TBC1D30: variants seen among roughly 807,000 people sequenced by gnomAD.
The protein encoded by TBC1D30 is TBC1 domain family member 30.
In TBC1D30, 31 loss-of-function variants were observed where a neutral mutation model predicts 63.2. The observed-to-expected ratio is 0.49, with a 90% CI of 0.37 to 0.66. The LOEUF (loss-of-function observed/expected upper bound fraction) is 0.66, where lower values mean the gene tolerates loss of function less well. TBC1D30 is among the 30% of genes least tolerant of loss of function. TBC1D30 has a pLI of 0.00. For missense variants in TBC1D30, 810 were observed against 953.6 expected (o/e 0.85, Z 1.98); for synonymous variants, 307 against 361.5 (o/e 0.85, Z 1.71).
intron 1 of TBC1D30, among the ~76,000 whole-genome samples, chr12:64,762,272 C>A (rs1870545228): frequency 6.6e-6 from 1 of 152,080 alleles, no homozygotes; most frequent in South Asian, 2.1e-4. Flanking sequence ...GTGGTGAGGA[C>A]CCAGATCCTA....
intron 2 of TBC1D30, among the ~76,000 whole-genome samples, chr12:64,807,885 G>A (rs1872963248): frequency 6.9e-6 from 1 of 143,936 alleles, no homozygotes; most frequent in South Asian, 2.1e-4. Context: ...GAGTAGCTGG[G>A]ACTACAGGCC....
intron 1 of TBC1D30, among the ~76,000 whole-genome samples, chr12:64,760,430 G>A (rs1870458298): frequency 6.6e-6 from 1 of 152,050 alleles, no homozygotes; most frequent in African/African-American, 2.4e-5. Context: ...GGGCGTGGTG[G>A]CAGGCGCCTG....
intron 1 of TBC1D30, among the ~76,000 whole-genome samples, chr12:64,767,788 C>CGGGGGGGGGGGG (rs59418018): frequency 6.6e-5 from 4 of 60,190 alleles, no homozygotes; most frequent in Admixed American, 2.3e-4. Flanking sequence ...CATGCTCCGG[C>CGGGGGGGGGGGG]GGGGGGGGGG....
chr12:64,775,672 A>G (rs1178034351), upstream of TBC1D30, among the ~76,000 whole-genome samples: 7 of 152,210 alleles, frequency 4.6e-5, no homozygotes, highest in African/African-American at 1.7e-4. Flanking sequence ...GTCCCACACA[A>G]TAATAGTGAG....
At chr12:64,826,024 C>T (rs1874312114) in intron 1 of TBC1D30, among the ~76,000 whole-genome samples, 1 of 152,148 alleles carries the variant, frequency 6.6e-6, no homozygotes, top group Admixed American at 6.5e-5. Flanking sequence ...TAGGAAGTGT[C>T]TAGTTGCAGA....
intron 8 of TBC1D30, among the ~76,000 whole-genome samples, chr12:64,862,479 C>T (rs1408621591): frequency 2.0e-5 from 3 of 152,120 alleles, no homozygotes; most frequent in East Asian, 1.9e-4. Flanking sequence ...AGCTGAGTGG[C>T]CCCTGAGGGA....
intron 2 of TBC1D30, among the ~76,000 whole-genome samples, chr12:64,812,081 C>T (rs1421847287): frequency 6.6e-6 from 1 of 151,982 alleles, no homozygotes; most frequent in Admixed American, 6.6e-5. Context: ...TTTTTCTTTC[C>T]TTCCAGAATA....
intron 2 of TBC1D30, among the ~76,000 whole-genome samples, chr12:64,796,138 T>TAA (rs1270677260): frequency 6.6e-6 from 1 of 151,434 alleles, no homozygotes; most frequent in African/African-American, 2.4e-5. Context: ...ATCTTAAAGT[T>TAA]AAGAGTTTTT....
intron 7 of TBC1D30, among the ~76,000 whole-genome samples, chr12:64,841,724 T>C (rs78790411): frequency 0.03 from 4,609 of 152,296 alleles, 216 homozygotes; most frequent in African/African-American, 0.11. Context: ...CTTTGGGATG[T>C]TTTTTCTTCC....
At position 64,824,679 on chromosome 12, in the gene TBC1D30, T is replaced by C. The variant is rs1874135707; in HGVS notation, c.-201T>C. On this transcript the variant is annotated 5_prime_UTR_variant, in exon 1 of 12. Coordinates refer to ENST00000539867, the MANE Select transcript of TBC1D30 (RefSeq NM_015279.2). ...CAGGCTCCGCACTGCAGATGCCTGC[T>C]GGCTTCCCTGCGCTCGGCGGCTCCC... The C allele has an allele frequency of 9.5e-6, 6 of 634,890 alleles. No individual in the cohort carries two copies. The South Asian group carries it at 1.4e-4, about 15-fold the overall frequency. 39.3% of individuals were successfully genotyped at this position (634,890 alleles called of 1,614,324 possible).
chr12:64,827,779 G>T, intron 1 of TBC1D30, 56 bp from the exon 2 acceptor site: 1 of 1,196,370 alleles, frequency 8.4e-7, no homozygotes, highest in Non-Finnish European at 1.2e-6. Flanking sequence ...TAGTATTTTT[G>T]ATATAACTTG....
At chr12:64,843,331 A>T in intron 7 of TBC1D30, 49 bp from the exon 8 acceptor site, 1 of 1,468,652 alleles carries the variant, frequency 6.8e-7, no homozygotes, top group South Asian at 1.2e-5. Context: ...ACTGTTACAC[A>T]GCATGGATGC....
chr12:64,844,074 A>G (rs537271974), intron 8 of TBC1D30, among the ~76,000 whole-genome samples: 2 of 152,320 alleles, frequency 1.3e-5, no homozygotes, highest in African/African-American at 4.8e-5. Context: ...GATTATAGGC[A>G]TGAACCACTG....
intron 1 of TBC1D30, among the ~76,000 whole-genome samples, chr12:64,826,108 T>A (rs1434726225): frequency 6.6e-6 from 1 of 152,110 alleles, no homozygotes; most frequent in East Asian, 1.9e-4. Flanking sequence ...ACGTTAAAAG[T>A]AAGTGTTTTG....
chr12:64,870,867 A>G, intron 11 of TBC1D30, 59 bp downstream of exon 11: 1 of 1,507,032 alleles, frequency 6.6e-7, no homozygotes, highest in Non-Finnish European at 8.9e-7. Flanking sequence ...AAAATGAAGA[A>G]CAAATAATCC....
Position 64,808,802 on chromosome 12 carries a change from T to C in TBC1D30, c.644-19033T>C, listed in dbSNP as rs567526010. On this transcript the variant is annotated intron_variant, in intron 2 of 12. Coordinates refer to the TBC1D30 transcript ENST00000542120. ...TTTGTCCTCTTGTGATGGGTTTGTT[T>C]CACTTAATATAATGTCATCAAGGTT... 2.0e-5 allele frequency among the ~76,000 whole-genome samples: 3 copies of C among 152,268 alleles called. No homozygotes were observed. In the East Asian group the frequency reaches 5.8e-4, roughly 29 times the overall value.
chr12:64,774,354 T>A (rs927822162), intron 1 of TBC1D30, among the ~76,000 whole-genome samples: 3 of 152,130 alleles, frequency 2.0e-5, no homozygotes, highest in Non-Finnish European at 4.4e-5. Context: ...TGGAACCAAT[T>A]TGGAAAACAC....
At chr12:64,855,423 A>T (rs1022168841) in intron 8 of TBC1D30, among the ~76,000 whole-genome samples, 1 of 152,092 alleles carries the variant, frequency 6.6e-6, no homozygotes, top group African/African-American at 2.4e-5. Flanking sequence ...TCCTATCCCT[A>T]TCTCTTTCTC....
intron 2 of TBC1D30, among the ~76,000 whole-genome samples, chr12:64,800,456 C>G (rs935740989): frequency 6.6e-6 from 1 of 151,894 alleles, no homozygotes. Flanking sequence ...GGAATCAGCT[C>G]GTAGAGTCGA....
Sources: gnomAD v4.1 joint callset for allele counts (sites outside exome capture counted in the v4.1 genomes callset) on GRCh38, gnomAD v4.1.1 for gene constraint, MANE v1.5 for transcripts, NCBI Gene and HGNC (gene_info 2026-07-23, HGNC 2026-07-21) for gene names.